The following ZNF831 variants were observed in gnomAD, a reference collection of about 807,000 sequenced individuals.
ZNF831 encodes the protein chromosome 20 open reading frame 174.
Under a neutral mutation model 95.8 loss-of-function variants are expected in ZNF831, and 59 were observed. The ratio of observed to expected loss-of-function variants is 0.62; its 90% CI spans 0.50 to 0.77. ZNF831 has a LOEUF of 0.77. Ranked by LOEUF, ZNF831 falls within the 30% of genes least tolerant of loss-of-function variation. The pLI is 0.00. For missense variants in ZNF831, 2,205 were observed against 2,164.0 expected (o/e 1.02, Z -0.38); for synonymous variants, 961 against 925.5 (o/e 1.04, Z -0.70).
intron 2 of ZNF831, among the ~76,000 whole-genome samples, chr20:59,148,801 C>A (rs1203347261): frequency 1.3e-5 from 2 of 150,060 alleles, no homozygotes; most frequent in African/African-American, 2.5e-5. Flanking sequence ...TGTCACCCAG[C>A]CAGGAGATTC....
intron 1 of ZNF831, among the ~76,000 whole-genome samples, chr20:59,190,154 C>G (rs1341899456): frequency 6.6e-6 from 1 of 152,210 alleles, no homozygotes; most frequent in Non-Finnish European, 1.5e-5. Context: ...CACCTTTGAG[C>G]AGAGACCTAA....
intron 4 of ZNF831, among the ~76,000 whole-genome samples, chr20:59,241,120 GAATTC>G (rs1987309435): frequency 6.6e-6 from 1 of 152,160 alleles, no homozygotes; most frequent in Non-Finnish European, 1.5e-5. Context: ...AGACTTCTTA[GAATTC>G]TGTAAGAATT....
At chr20:59,199,117 ATCTATCTATCT>A (rs1984347190) in intron 3 of ZNF831, among the ~76,000 whole-genome samples, 2 of 120,200 alleles carry the variant, frequency 1.7e-5, no homozygotes, top group Admixed American at 2.3e-4. Context: ...CTATCTATCT[ATCTATCTATCT>A]ATCTATCACG....
chr20:59,225,492 G>A (rs1306929895), intron 4 of ZNF831, among the ~76,000 whole-genome samples: 1 of 152,150 alleles, frequency 6.6e-6, no homozygotes, highest in Non-Finnish European at 1.5e-5. Flanking sequence ...CTATTATTTT[G>A]CTTAGAAGGA....
In ZNF831 at chr20:59,194,554, G is replaced by A. The variant is rs2146601434; in HGVS notation, c.3535G>A (p.Ala1179Thr). The A allele has an allele frequency of 6.2e-7, 1 of 1,606,186 alleles. No individual in the cohort carries two copies. Among genetic ancestry groups the A allele is most frequent in the South Asian group, 1.1e-5 (1 of 89,920 alleles). The change falls in exon 2 of 6, where the codon GCT (alanine) becomes ACT (threonine). Residue 1179 changes from alanine to threonine, a missense_variant. Transcript: ENST00000371030. Reference protein sequence around the residue: ...STQNPFPSLKAEPRLTWCCLS... With the variant: ...STQNPFPSLKTEPRLTWCCLS... ...CCAAAACCCCTTTCCCTCACTGAAG[G>A]CTGAGCCGCGGCTCACGTGGTGTTG...
intron 1 of ZNF831, among the ~76,000 whole-genome samples, chr20:59,131,094 C>T (rs1979339408): frequency 6.6e-6 from 1 of 152,108 alleles, no homozygotes; most frequent in Non-Finnish European, 1.5e-5. Flanking sequence ...CTTTTGTGGG[C>T]AAGGTTGAAG....
chr20:59,183,294 C>T (rs1459652324), intron 1 of ZNF831, among the ~76,000 whole-genome samples: 2 of 152,216 alleles, frequency 1.3e-5, no homozygotes, highest in African/African-American at 2.4e-5. Context: ...TCCCTTTGGG[C>T]AAGCCTAGCT....
intron 4 of ZNF831, among the ~76,000 whole-genome samples, chr20:59,224,891 G>A (rs1312144230): frequency 2.0e-5 from 3 of 151,914 alleles, no homozygotes; most frequent in Admixed American, 1.3e-4. Context: ...GGTTTTGTAT[G>A]TTTTAATATG....
chr20:59,251,299 G>T (rs999938218), intron 4 of ZNF831, among the ~76,000 whole-genome samples: 2 of 152,160 alleles, frequency 1.3e-5, no homozygotes, highest in Non-Finnish European at 2.9e-5. Context: ...CAGAAATAAA[G>T]AAGAGCCTCG....
intron 1 of ZNF831, among the ~76,000 whole-genome samples, chr20:59,141,245 TATTG>T: frequency 6.6e-6 from 1 of 152,312 alleles, no homozygotes; most frequent in African/African-American, 2.4e-5. Context: ...TTTTTTCTTT[TATTG>T]ATTGTGTTTT....
At chr20:59,177,418 T>G (rs1982255372) in intron 1 of ZNF831, among the ~76,000 whole-genome samples, 1 of 152,198 alleles carries the variant, frequency 6.6e-6, no homozygotes, top group Non-Finnish European at 1.5e-5. Context: ...GCCAGGCACA[T>G]TCCCACCTCA....
chr20:59,196,942 ATT>A (rs34011921), intron 3 of ZNF831, among the ~76,000 whole-genome samples: 17 of 132,320 alleles, frequency 1.3e-4, no homozygotes, highest in Non-Finnish European at 1.3e-4. Context: ...ACGCCCAGCT[ATT>A]TTTTTTTTTT....
At chr20:59,159,681 TGG>T (rs1284295570), upstream of ZNF831, 1 of 152,128 alleles carries the variant, frequency 6.6e-6, no homozygotes, top group Non-Finnish European at 1.5e-5. Context: ...CTTCTGACAA[TGG>T]AGAGAGCATG....
In ZNF831 at chr20:59,217,162, C is replaced by CTCTGTG. The variant is rs375503499; in HGVS notation, c.4027+10107_4027+10108insCTGTGT. Among the ~76,000 whole-genome samples the CTCTGTG allele has an allele frequency of 6.7e-6, 1 of 148,740 alleles. No individual in the cohort carries two copies. The highest frequency in any genetic ancestry group is 2.5e-5 in the African/African-American group (1 of 40,268). On this transcript the variant is annotated intron_variant, in intron 4 of 5. Coordinates refer to ENST00000371030, the MANE Select transcript of ZNF831 (RefSeq NM_178457.3). The surrounding 1 kb of genome is among the most constrained non-coding windows in gnomAD (Gnocchi z 4.4). ...GAGTACATCTGACAGATCTTCATCT[C>CTCTGTG]TGTGTGTGTGTGTGTGTGTGTGTGT...
At chr20:59,173,749 T>C (rs994626889) in intron 1 of ZNF831, among the ~76,000 whole-genome samples, 5 of 152,130 alleles carry the variant, frequency 3.3e-5, no homozygotes, top group Non-Finnish European at 7.4e-5. Context: ...TTGGGACCAT[T>C]CCCAGAGACA....
chr20:59,178,887 G>A (rs1204162342), intron 1 of ZNF831, among the ~76,000 whole-genome samples: 4 of 152,168 alleles, frequency 2.6e-5, no homozygotes, highest in Admixed American at 2.0e-4. Context: ...ACTTGGAAAT[G>A]CATGGTGGGA....
chr20:59,148,509 G>A (rs1479438942), intron 2 of ZNF831, among the ~76,000 whole-genome samples: 6 of 123,876 alleles, frequency 4.8e-5, no homozygotes, highest in African/African-American at 9.5e-5. Flanking sequence ...GTGAAACCCC[G>A]TCTCTACTAA....
intron 1 of ZNF831, among the ~76,000 whole-genome samples, chr20:59,172,861 C>G (rs951451953): frequency 4.6e-5 from 7 of 152,212 alleles, no homozygotes; most frequent in Non-Finnish European, 1.0e-4. Context: ...CCCTAGGATT[C>G]TGCTGACATA....
chr20:59,144,884 T>C (rs929895852), intron 1 of ZNF831, among the ~76,000 whole-genome samples: 1 of 152,208 alleles, frequency 6.6e-6, no homozygotes, highest in Non-Finnish European at 1.5e-5. Context: ...ATTTTTATAG[T>C]GTCCAGAAGA....
Sources: gnomAD v4.1 joint callset for allele counts (sites outside exome capture counted in the v4.1 genomes callset) on GRCh38, gnomAD v4.1.1 for gene constraint, Gnocchi (gnomAD v3.1) non-coding constraint, MANE v1.5 for transcripts, NCBI Gene and HGNC (gene_info 2026-07-23, HGNC 2026-07-21) for gene names.